The following BMP7 variants were observed in gnomAD, a reference collection of about 807,000 sequenced individuals.
BMP7 encodes the protein osteogenic protein 1.
Under a neutral mutation model 41.2 loss-of-function variants are expected in BMP7, and 12 were observed. The observed-to-expected ratio is 0.29, with a 90% CI of 0.19 to 0.47. The LOEUF (loss-of-function observed/expected upper bound fraction) is 0.47, where lower values mean the gene tolerates loss of function less well. BMP7 is among the 20% of genes least tolerant of loss of function. The probability of loss-of-function intolerance (pLI) is 0.99; values close to 1 mark genes in which losing one functional copy is unlikely to be tolerated. For synonymous variants in BMP7, 248 were observed against 250.0 expected, an observed-to-expected ratio of 0.99 and a Z score of 0.07; for missense variants, 467 against 606.0, an observed-to-expected ratio of 0.77 and a Z score of 2.41.
intron 1 of BMP7, among the ~76,000 whole-genome samples, chr20:57,235,231 A>C (rs939429999): frequency 2.0e-5 from 3 of 152,226 alleles, no homozygotes; most frequent in African/African-American, 7.2e-5. Context: ...TATCGTATGA[A>C]TAGGACACAA....
chr20:57,192,297 A>AG (rs1984386197), intron 3 of BMP7, among the ~76,000 whole-genome samples: 1 of 138,718 alleles, frequency 7.2e-6, no homozygotes, highest in Middle Eastern at 3.4e-3. Flanking sequence ...TATAGTATAT[A>AG]TTATATATAA....
intron 4 of BMP7, among the ~76,000 whole-genome samples, chr20:57,179,678 C>T (rs1984030126): frequency 6.6e-6 from 1 of 152,218 alleles, no homozygotes. Flanking sequence ...GGGGGACGAG[C>T]GATTCAAAGG....
Position 57,260,736 on chromosome 20 carries a change from CAT to C in BMP7, c.418+4967_418+4968del, listed in dbSNP as rs1309241970. Among the ~76,000 whole-genome samples, 4 of 152,244 alleles carry C rather than the reference CAT, an allele frequency of 2.6e-5. No individual in the cohort carries two copies. The East Asian group carries it at 7.7e-4, about 29-fold the overall frequency. On this transcript the variant is annotated intron_variant, in intron 1 of 6. Coordinates refer to ENST00000395863, the MANE Select transcript of BMP7 (RefSeq NM_001719.3). ...ATCCGCACATTCCTTCTGACAATAA[CAT>C]GACAGGTCCCACACATCCCTGCCTG...
chr20:57,213,087 C>T lies in BMP7; in HGVS notation c.612-10464G>A, dbSNP rs1984932613. ...AAAAATACACAAAGAGGCACAATAT[C>T]CTCCTGCCCCAGACAGAGCTCGGGT... is the stretch of plus-strand genomic sequence containing the variant. On this transcript the variant is annotated intron_variant, in intron 2 of 6. Transcript: ENST00000395863. The surrounding 1 kb of genome is among the most constrained non-coding windows in gnomAD (Gnocchi z 4.4). Among the ~76,000 whole-genome samples, 1 of 152,240 alleles carries T rather than the reference C, an allele frequency of 6.6e-6. No individual in the cohort carries two copies. The highest frequency in any genetic ancestry group is 1.5e-5 in the Non-Finnish European group (1 of 68,050).
chr20:57,260,530 T>C (rs1005400306), intron 1 of BMP7, among the ~76,000 whole-genome samples: 2 of 152,232 alleles, frequency 1.3e-5, no homozygotes, highest in Non-Finnish European at 2.9e-5. Context: ...ATGTAAATAT[T>C]GGTAGTTCCT....
intron 5 of BMP7, among the ~76,000 whole-genome samples, chr20:57,173,802 T>C (rs987044125): frequency 6.6e-6 from 1 of 152,062 alleles, no homozygotes; most frequent in African/African-American, 2.4e-5. Context: ...ACACTGGCAG[T>C]TCACCTTAAA....
intron 1 of BMP7, among the ~76,000 whole-genome samples, chr20:57,240,713 T>C (rs1301361220): frequency 6.6e-6 from 1 of 152,192 alleles, no homozygotes; most frequent in East Asian, 1.9e-4. Context: ...ACTTCTTACA[T>C]GACAGCAGCA....
At chr20:57,203,477 G>GTGGATGGA (rs533405529) in intron 2 of BMP7, among the ~76,000 whole-genome samples, 1 of 151,606 alleles carries the variant, frequency 6.6e-6, no homozygotes, top group Non-Finnish European at 1.5e-5. Context: ...GAGTGGGTGG[G>GTGGATGGA]TGGATGGATG....
chr20:57,199,143 C>T (rs551881692), intron 3 of BMP7, among the ~76,000 whole-genome samples: 23 of 152,254 alleles, frequency 1.5e-4, no homozygotes, highest in African/African-American at 3.6e-4. Flanking sequence ...GCAGCCAGCT[C>T]GGGGCCAGGC....
chr20:57,230,201 A>G (rs1223143177), intron 1 of BMP7, among the ~76,000 whole-genome samples: 1 of 152,156 alleles, frequency 6.6e-6, no homozygotes, highest in African/African-American at 2.4e-5. Context: ...CACGCCCACA[A>G]GGAACCCTTC....
At position 57,183,771 on chromosome 20, in the gene BMP7, G is replaced by C. The variant is rs373549178; in HGVS notation, c.909C>G (p.Arg303=). 6.2e-7 allele frequency: 1 copy of C among 1,614,206 alleles called. No individual in the cohort carries two copies. Among genetic ancestry groups the C allele is most frequent in the Non-Finnish European group, 8.5e-7 (1 of 1,180,056 alleles). ...STGSKQRSQN[R]SKTPKNQEAL... ...CTTCCTGGTTCTTGGGCGTCTTGGA[G>C]CGGTTCTGGCTGCGCTGTTTGCTCC... is the stretch of plus-strand genomic sequence containing the variant. Residue 303 remains arginine (R), a synonymous_variant, in exon 4 of 7, where the codon CGC becomes CGG. Transcript: ENST00000395863.
intron 2 of BMP7, among the ~76,000 whole-genome samples, chr20:57,211,655 G>T (rs374902511): frequency 6.6e-6 from 1 of 152,016 alleles, no homozygotes; most frequent in Non-Finnish European, 1.5e-5. Flanking sequence ...GAATCATAAG[G>T]GTCCTGATAA....
At position 57,173,191 on chromosome 20, in the gene BMP7, G is replaced by A. The variant is rs1983848942; in HGVS notation, c.1146+9C>T. The A allele has an allele frequency of 1.2e-6, 2 of 1,613,082 alleles. No homozygotes were observed. Among genetic ancestry groups the A allele is most frequent in the African/African-American group, 1.3e-5 (1 of 74,902 alleles). ...AGGTGACCACACCCCAAGATGGCGT[G>A]ACACCCACCAGCGTCTGCACGATGG... is the stretch of plus-strand genomic sequence containing the variant. On this transcript the variant is annotated intron_variant, in intron 6 of 6. Transcript: ENST00000395863.
intron 1 of BMP7, among the ~76,000 whole-genome samples, chr20:57,244,438 G>A (rs901410527): frequency 5.9e-5 from 9 of 152,284 alleles, no homozygotes; most frequent in South Asian, 2.1e-4. Context: ...AACTCTCCCC[G>A]TGAGCAAATC....
At chr20:57,185,525 A>G (rs1240394861) in intron 3 of BMP7, among the ~76,000 whole-genome samples, 1 of 152,268 alleles carries the variant, frequency 6.6e-6, no homozygotes, top group African/African-American at 2.4e-5. Context: ...GCAATGGAGC[A>G]TAAGCTGGGA....
In BMP7 at chr20:57,196,599, G is replaced by A. The variant is rs367635309; in HGVS notation, c.760+5876C>T. On this transcript the variant is annotated intron_variant, in intron 3 of 6. Transcript: ENST00000395863. ...CTAACAACCAGATGCGGGGGTGGGG[G>A]AAGACCATCATTCATCATTCACTCC... Among the ~76,000 whole-genome samples the A allele has an allele frequency of 1.6e-4, 24 of 152,310 alleles. No homozygotes were observed. The East Asian group carries it at 4.6e-3, about 29-fold the overall frequency.
intron 1 of BMP7, among the ~76,000 whole-genome samples, chr20:57,243,094 G>T (rs1398176836): frequency 2.6e-5 from 4 of 152,320 alleles, no homozygotes; most frequent in African/African-American, 9.6e-5. Flanking sequence ...CATTGAAGAG[G>T]TGCTGTCGCC....
At chr20:57,198,591 A>G (rs1433840297) in intron 3 of BMP7, among the ~76,000 whole-genome samples, 4 of 152,174 alleles carry the variant, frequency 2.6e-5, no homozygotes, top group African/African-American at 7.2e-5. Context: ...GCTGCTCCGC[A>G]TGGTGACTCA....
At chr20:57,198,069 C>T (rs1568711584) in intron 3 of BMP7, among the ~76,000 whole-genome samples, 1 of 149,952 alleles carries the variant, frequency 6.7e-6, no homozygotes, top group African/African-American at 2.5e-5. Flanking sequence ...CTCCTCTCCC[C>T]TCCTCTCCTC....
Sources: gnomAD v4.1 joint callset for allele counts (sites outside exome capture counted in the v4.1 genomes callset) on GRCh38, gnomAD v4.1.1 for gene constraint, Gnocchi (gnomAD v3.1) non-coding constraint, MANE v1.5 for transcripts, NCBI Gene and HGNC (gene_info 2026-07-23, HGNC 2026-07-21) for gene names.